Variants in PADI1 observed in about 807,000 individuals in gnomAD.
PADI1 encodes peptidyl arginine deiminase 1, also known as protein-arginine deiminase type-1.
Under a neutral mutation model 74.8 loss-of-function variants are expected in PADI1, and 65 were observed. The ratio of observed to expected loss-of-function variants is 0.87; its 90% CI spans 0.71 to 1.07. The LOEUF (loss-of-function observed/expected upper bound fraction) is 1.07, where lower values mean the gene tolerates loss of function less well. Ranked by LOEUF, PADI1 falls within the 50% of genes least tolerant of loss-of-function variation. The probability of loss-of-function intolerance (pLI) is 0.00; values close to 1 mark genes in which losing one functional copy is unlikely to be tolerated. For synonymous variants in PADI1, 371 were observed against 336.2 expected (o/e 1.10, Z -1.13); for missense variants, 943 against 854.0 (o/e 1.10, Z -1.30).
chr1:17,216,812 G>A (rs566630235), intron 1 of PADI1, among the ~76,000 whole-genome samples: 2 of 152,300 alleles, frequency 1.3e-5, no homozygotes, highest in South Asian at 4.1e-4. Flanking sequence ...AGAGGTTGCA[G>A]TGAGCTGAGA....
chr1:17,205,375 G>A lies in PADI1; in HGVS notation c.92+66G>A, dbSNP rs886997955. 2.4e-6 allele frequency: 3 copies of A among 1,260,674 alleles called. No individual in the cohort carries two copies. In the African/African-American group the frequency reaches 4.4e-5, roughly 19 times the overall value. The allele number at this position is 1,260,674 out of a possible 1,614,324, so 78.1% of individuals were successfully genotyped here. A position where few individuals can be genotyped will look rare whatever the true frequency, so the allele number is the denominator to read the frequency against. Reference sequence around the variant, plus strand: ...GTTAGAGTGTAAGTCAATGGGGTGGGTGCCTGGTAGACAAGTCAGGCACGT... The same window carrying A: ...GTTAGAGTGTAAGTCAATGGGGTGGATGCCTGGTAGACAAGTCAGGCACGT... On this transcript the variant is annotated intron_variant, in intron 1 of 15. Transcript: ENST00000375471.
chr1:17,238,514 G>GTATC, intron 12 of PADI1, 102 bp from the exon 13 acceptor site: 1 of 476,748 alleles, frequency 2.1e-6, no homozygotes, highest in Non-Finnish European at 3.7e-6. Context: ...TGGGAGAGGG[G>GTATC]AGTCCCAAGA....
intron 2 of PADI1, 144 bp from the exon 3 acceptor site, chr1:17,223,477 T>G: frequency 1.5e-6 from 1 of 655,582 alleles, no homozygotes; most frequent in Non-Finnish European, 2.7e-6. Context: ...CCGGGAGCCC[T>G]TGAGTCTTGG....
intron 1 of PADI1, among the ~76,000 whole-genome samples, chr1:17,218,631 G>A (rs1004296720): frequency 1.3e-5 from 2 of 152,192 alleles, no homozygotes; most frequent in East Asian, 1.9e-4. Context: ...GGGAGGAAAG[G>A]CTGATTAGAG....
rs771198376 is a variant in PADI1 at position 17,244,090 on chromosome 1, G to T, written c.1839G>T (p.Glu613Asp). 2.5e-6 allele frequency: 4 copies of T among 1,614,250 alleles called. No individual in the cohort carries two copies. In the Admixed American group the frequency reaches 6.7e-5, roughly 27 times the overall value. The part of the protein sequence containing the change: ...GPIINGRCCL[E>D]EKVQSLLEPL... ...TCATCAATGGCCGCTGCTGCCTGGA[G>T]GAGAAGGTGCAGTCCCTGCTGGAGC... The change falls in exon 16 of 16, where the codon GAG becomes GAT. Residue 613 changes from glutamate to aspartate, a missense_variant. Coordinates refer to ENST00000375471, the MANE Select transcript of PADI1 (RefSeq NM_013358.3).
intron 2 of PADI1, 81 bp from the exon 3 acceptor site, chr1:17,223,540 G>T: frequency 8.6e-7 from 1 of 1,160,722 alleles, no homozygotes; most frequent in South Asian, 1.2e-5. Flanking sequence ...AAGTAGGGCT[G>T]TCAGGATGTG....
rs1569814040 is a variant in PADI1, at chr1:17,228,858, G to A, written c.825+61G>A. On this transcript the variant is annotated intron_variant, in intron 7 of 15. Coordinates refer to ENST00000375471, the MANE Select transcript of PADI1 (RefSeq NM_013358.3). ...AGGGGTTTGGGGGCCCAGTTTGCAG[G>A]CTCCAGGGCTGGGCAGGCTGGGGGC... is the stretch of plus-strand genomic sequence containing the variant. The A allele has an allele frequency of 3.1e-6, 5 of 1,598,112 alleles. No individual in the cohort carries two copies. In the Admixed American group the frequency reaches 8.4e-5, roughly 27 times the overall value.
At position 17,237,311 on chromosome 1, in the gene PADI1, C is replaced by T. The variant is rs754905623; in HGVS notation, c.1314-3C>T. ...GACTGCCCGCCCTCTCCCTCCTGGC[C>T]AGGTCCGGTGGGCGGCAGATGGCCA... On this transcript the variant is annotated splice_region_variant and splice_polypyrimidine_tract_variant and intron_variant, in intron 11 of 15. Transcript: ENST00000375471. 1 of 1,606,142 alleles carries T rather than the reference C, an allele frequency of 6.2e-7. No homozygotes were observed. The highest frequency in any genetic ancestry group is 1.1e-5 in the South Asian group (1 of 90,188).
intron 14 of PADI1, 75 bp from the exon 15 acceptor site, chr1:17,240,560 C>G: frequency 6.5e-7 from 1 of 1,548,166 alleles, no homozygotes; most frequent in African/African-American, 1.4e-5. Context: ...TCCACACGGG[C>G]CCAGCGCACA....
chr1:17,228,505 G>A (rs1184274708), intron 6 of PADI1, 120 bp from the exon 7 acceptor site: 1 of 948,718 alleles, frequency 1.1e-6, no homozygotes, highest in Non-Finnish European at 1.7e-6. Context: ...GCTTGCACGT[G>A]GCAGAGCCAG....
rs150167702 is a variant in PADI1, at chr1:17,244,210, C to A, written c.1959C>A (p.Pro653=). 6.2e-7 allele frequency: 1 copy of A among 1,614,158 alleles called. No homozygotes were observed. The highest frequency in any genetic ancestry group is 8.5e-7 in the Non-Finnish European group (1 of 1,179,996). ...IHCGTNVRRK[P]FPFKWWNMVP The stretch of plus-strand genomic sequence containing the variant: ...GTGGCACCAACGTGCGCAGGAAGCC[C>A]TTTCCCTTCAAATGGTGGAACATGG... The change falls in exon 16 of 16, where the codon CCC becomes CCA. Residue 653 remains proline, a synonymous_variant. Transcript: ENST00000375471.
At chr1:17,233,030 C>T in intron 11 of PADI1, 60 bp downstream of exon 11, 1 of 1,402,004 alleles carries the variant, frequency 7.1e-7, no homozygotes, top group Non-Finnish European at 9.6e-7. Flanking sequence ...ATCCACCCTC[C>T]CTGTGCCCCC....
At position 17,239,797 on chromosome 1, in the gene PADI1, C is replaced by T; in HGVS notation, c.1632+14C>T. On this transcript the variant is annotated intron_variant, in intron 14 of 15. Transcript: ENST00000375471. ...CTTCATGCACAGGTGAGAGGCAGGA[C>T]CACCAGCTGCTCTAAGGGGTCCTTT... 1 of 1,597,470 alleles carries T rather than the reference C, an allele frequency of 6.3e-7. No individual in the cohort carries two copies. Among genetic ancestry groups the T allele is most frequent in the Middle Eastern group, 1.7e-4 (1 of 6,012 alleles).
intron 3 of PADI1, among the ~76,000 whole-genome samples, chr1:17,223,959 C>T (rs770885143): frequency 1.2e-4 from 18 of 152,240 alleles, no homozygotes; most frequent in Non-Finnish European, 2.4e-4. Flanking sequence ...CAGAGTCCCA[C>T]GTATACCCTC....
In PADI1 at chr1:17,228,814, G is replaced by C. The variant is rs1401791593; in HGVS notation, c.825+17G>C. On this transcript the variant is annotated intron_variant, in intron 7 of 15. Coordinates refer to ENST00000375471, the MANE Select transcript of PADI1 (RefSeq NM_013358.3). ...GACCCGGGGGTGTGTACAGCACTGG[G>C]GGGTGGCCAAGGAGGCTGAGGGGTT... 1 of 1,612,654 alleles carries C rather than the reference G, an allele frequency of 6.2e-7. No homozygotes were observed. Among genetic ancestry groups the C allele is most frequent in the Non-Finnish European group, 8.5e-7 (1 of 1,179,256 alleles).
chr1:17,223,524 G>A (rs995608835), intron 2 of PADI1, 97 bp from the exon 3 acceptor site: 4 of 979,486 alleles, frequency 4.1e-6, no homozygotes, highest in African/African-American at 1.6e-5. Context: ...GGCCTCCTGT[G>A]CCTCTAAGTA....
At chr1:17,238,306 T>C (rs2072695598) in intron 12 of PADI1, among the ~76,000 whole-genome samples, 1 of 152,236 alleles carries the variant, frequency 6.6e-6, no homozygotes, top group African/African-American at 2.4e-5. Flanking sequence ...CCTCCCAAAG[T>C]GCTGGGATTA....
chr1:17,232,709 G>T, intron 10 of PADI1, 110 bp from the exon 11 acceptor site: 1 of 889,706 alleles, frequency 1.1e-6, no homozygotes, highest in Non-Finnish European at 1.7e-6. Flanking sequence ...GGTACTAAGA[G>T]CCATGGAGTG....
chr1:17,228,729 G>A lies in PADI1; in HGVS notation c.757G>A (p.Gly253Arg). The change falls in exon 7 of 16, where the codon GGG (glycine) becomes AGG (arginine). Residue 253 changes from glycine (G) to arginine (R), a missense_variant. Physicochemically the swap from Gly to Arg is moderately radical, Grantham distance 125. Transcript: ENST00000375471. Reference protein sequence around the residue: ...GEQEIKFYVEGLTFPDADFLG... With the variant: ...GEQEIKFYVERLTFPDADFLG... ...GCAGGAGATCAAGTTCTATGTGGAGGGGCTGACCTTCCCCGATGCCGATTT... is the reference window on the plus strand; with the variant it reads ...GCAGGAGATCAAGTTCTATGTGGAGAGGCTGACCTTCCCCGATGCCGATTT... The A allele has an allele frequency of 1.9e-6, 3 of 1,614,204 alleles. No homozygotes were observed. Among genetic ancestry groups the A allele is most frequent in the South Asian group, 2.2e-5 (2 of 91,086 alleles).
Sources: gnomAD v4.1 joint callset for allele counts (sites outside exome capture counted in the v4.1 genomes callset) on GRCh38, gnomAD v4.1.1 for gene constraint, MANE v1.5 for transcripts, NCBI Gene and HGNC (gene_info 2026-07-23, HGNC 2026-07-21) for gene names.